VWA3B: variants seen among roughly 807,000 people sequenced by gnomAD.
VWA3B encodes the protein von Willebrand factor A domain-containing protein 3B.
A neutral mutation model predicts 158.3 loss-of-function variants in VWA3B; 138 were observed. The ratio of observed to expected loss-of-function variants is 0.87; its 90% CI spans 0.76 to 1.00. The LOEUF (loss-of-function observed/expected upper bound fraction) is 1.00, where lower values mean the gene tolerates loss of function less well. Ranked by LOEUF, VWA3B falls within the 50% of genes least tolerant of loss-of-function variation. The pLI is 0.00. For synonymous variants in VWA3B, 596 were observed against 587.3 expected, an observed-to-expected ratio of 1.01 and a Z score of -0.21; for missense variants, 1,555 against 1,565.1, an observed-to-expected ratio of 0.99 and a Z score of 0.11.
intron 11 of VWA3B, among the ~76,000 whole-genome samples, chr2:98,193,976 G>A (rs960361202): frequency 1.3e-5 from 2 of 152,160 alleles, no homozygotes; most frequent in South Asian, 2.1e-4. Context: ...TTACCTAAAA[G>A]AGAATGACTG....
At chr2:98,172,661 G>A (rs550474525) in intron 8 of VWA3B, among the ~76,000 whole-genome samples, 2 of 152,042 alleles carry the variant, frequency 1.3e-5, no homozygotes, top group Non-Finnish European at 2.9e-5. Context: ...CAGCACTTCC[G>A]CATCAATAGG....
intron 12 of VWA3B, among the ~76,000 whole-genome samples, chr2:98,194,769 A>T (rs1227980737): frequency 2.0e-5 from 3 of 151,650 alleles, no homozygotes; most frequent in Admixed American, 1.3e-4. Flanking sequence ...ATGAAAACAC[A>T]TTTCAAAACA....
At chr2:98,186,699 TGGTC>T (rs1231232775) in intron 9 of VWA3B, among the ~76,000 whole-genome samples, 8 of 152,082 alleles carry the variant, frequency 5.3e-5, no homozygotes, top group Non-Finnish European at 5.9e-5. Context: ...CTTCTTACCA[TGGTC>T]TTGGCTGCCC....
At chr2:98,281,556 T>C (rs74435818) in intron 22 of VWA3B, among the ~76,000 whole-genome samples, 5,931 of 152,314 alleles carry the variant, frequency 0.039, 170 homozygotes, top group Middle Eastern at 0.075. Flanking sequence ...TTCTAGTTAA[T>C]TTGTAGAAAT....
At chr2:98,271,168 A>AGAC in intron 22 of VWA3B, among the ~76,000 whole-genome samples, 1 of 152,244 alleles carries the variant, frequency 6.6e-6, no homozygotes, top group Non-Finnish European at 1.5e-5. Context: ...CACAGGAGCC[A>AGAC]GACCAAGAAC....
intron 2 of VWA3B, among the ~76,000 whole-genome samples, chr2:98,097,158 G>A (rs931314153): frequency 6.6e-5 from 10 of 152,070 alleles, no homozygotes; most frequent in African/African-American, 2.2e-4. Flanking sequence ...TTATATGGAT[G>A]AATTGTATAG....
At chr2:98,107,003 T>C (rs540326005) in intron 2 of VWA3B, among the ~76,000 whole-genome samples, 1 of 152,300 alleles carries the variant, frequency 6.6e-6, no homozygotes, top group East Asian at 1.9e-4. Flanking sequence ...TTAAAAATTA[T>C]ATTGTGGAAG....
intron 13 of VWA3B, among the ~76,000 whole-genome samples, chr2:98,215,366 G>A (rs927857114): frequency 4.7e-5 from 7 of 149,684 alleles, no homozygotes; most frequent in South Asian, 2.1e-4. Flanking sequence ...GTGTGAACCC[G>A]GGAGTTGAAG....
rs1438877658 is a variant in VWA3B at position 98,313,171 on chromosome 2, T to C, written c.*822T>C. The C allele has an allele frequency of 6.6e-6, 1 of 152,122 alleles. No homozygotes were observed. The highest frequency in any genetic ancestry group is 2.4e-5 in the African/African-American group (1 of 41,392). The allele number at this position is 152,122 out of a possible 1,614,324, so 9.4% of individuals were successfully genotyped here. A position where few individuals can be genotyped will look rare whatever the true frequency, so the allele number is the denominator to read the frequency against. Reference sequence around the variant, plus strand: ...AAACAGAACAGATAGGGCTGAGTTCTGATACTCTAAAAATTTACAATCTAA... The same window carrying C: ...AAACAGAACAGATAGGGCTGAGTTCCGATACTCTAAAAATTTACAATCTAA... On this transcript the variant is annotated 3_prime_UTR_variant, in exon 28 of 28. Transcript: ENST00000477737.
chr2:98,207,679 C>T (rs1660245151), intron 12 of VWA3B: 4 of 423,236 alleles, frequency 9.5e-6, no homozygotes, highest in South Asian at 7.8e-5. Context: ...TGATGGAACC[C>T]ATTGAAGAAG....
At position 98,271,441 on chromosome 2, in the gene VWA3B, C is replaced by T. The variant is rs958213161; in HGVS notation, c.3045+558C>T. Among the ~76,000 whole-genome samples the T allele has an allele frequency of 6.6e-5, 10 of 152,024 alleles. No homozygotes were observed. The South Asian group carries it at 8.3e-4, about 13-fold the overall frequency. On this transcript the variant is annotated intron_variant, in intron 22 of 27. Transcript: ENST00000477737. ...TTGCCTTATTGCTACCACTTGGGAG[C>T]CTTTCCTTTTAGTTTTTTTTCTCCT...
At chr2:98,154,927 T>G (rs942758000) in intron 7 of VWA3B, among the ~76,000 whole-genome samples, 24 of 152,272 alleles carry the variant, frequency 1.6e-4, no homozygotes, top group African/African-American at 5.1e-4. Context: ...AGGAGGTCCC[T>G]CTCTTCAAGG....
intron 25 of VWA3B, 80 bp downstream of exon 25, chr2:98,300,296 G>T: frequency 6.3e-7 from 1 of 1,583,848 alleles, no homozygotes; most frequent in Non-Finnish European, 8.6e-7. Flanking sequence ...GCTTCTTGAT[G>T]AATGGTTTCC....
Position 98,236,736 on chromosome 2 carries a change from C to T in VWA3B, c.2673+6C>T. ...TGTCTAAGGTCTTTGATGAGGTAAA[C>T]TGATTGTCTATACGTCCCTACTTGA... On this transcript the variant is annotated splice_donor_region_variant and intron_variant, in intron 19 of 27. Transcript: ENST00000477737. 1.2e-6 allele frequency: 2 copies of T among 1,610,738 alleles called. No individual in the cohort carries two copies. The highest frequency in any genetic ancestry group is 1.7e-6 in the Non-Finnish European group (2 of 1,179,016).
At chr2:98,241,470 G>T (rs1406810426) in intron 19 of VWA3B, among the ~76,000 whole-genome samples, 3 of 151,878 alleles carry the variant, frequency 2.0e-5, no homozygotes, top group African/African-American at 7.3e-5. Context: ...AGGAGGCAGG[G>T]CTGGGTGGCT....
intron 7 of VWA3B, among the ~76,000 whole-genome samples, chr2:98,136,450 C>T (rs1352431276): frequency 6.6e-6 from 1 of 152,104 alleles, no homozygotes; most frequent in Non-Finnish European, 1.5e-5. Context: ...ACTTATTGCT[C>T]ACAGTTCTGG....
At chr2:98,222,934 A>AC in intron 14 of VWA3B, among the ~76,000 whole-genome samples, 1 of 152,316 alleles carries the variant, frequency 6.6e-6, no homozygotes, top group East Asian at 1.9e-4. Flanking sequence ...CAGTAAAAAA[A>AC]GTGCCCATCA....
At chr2:98,227,679 C>G (rs1685024009) in intron 14 of VWA3B, among the ~76,000 whole-genome samples, 1 of 152,048 alleles carries the variant, frequency 6.6e-6, no homozygotes, top group South Asian at 2.1e-4. Context: ...GTATAAAATT[C>G]TAGAAAACTG....
intron 16 of VWA3B, among the ~76,000 whole-genome samples, chr2:98,230,610 GAA>G (rs1184778795): frequency 6.6e-6 from 1 of 152,060 alleles, no homozygotes; most frequent in Non-Finnish European, 1.5e-5. Flanking sequence ...TCAAGATACA[GAA>G]GAGTCCCATC....
Sources: allele counts gnomAD v4.1 joint callset (sites outside exome capture counted in the v4.1 genomes callset), GRCh38; gene constraint gnomAD v4.1.1; transcripts MANE v1.5; gene names NCBI Gene and HGNC (gene_info 2026-07-23, HGNC 2026-07-21).